The following PLEKHD1 variants were observed in gnomAD, a reference collection of about 807,000 sequenced individuals.
PLEKHD1 encodes the protein pleckstrin homology and coiled-coil domain containing D1.
PLEKHD1 carries 51 observed loss-of-function variants against 69.2 expected under a neutral mutation model. That is an observed-to-expected ratio of 0.74 (90% CI 0.59 to 0.93). The LOEUF (loss-of-function observed/expected upper bound fraction) is 0.93. Among genes scored for constraint, PLEKHD1 ranks in the 40% least tolerant of loss-of-function variants. PLEKHD1 has a pLI of 0.00. For missense variants in PLEKHD1, 584 were observed against 641.0 expected (o/e 0.91, Z 0.96); for synonymous variants, 236 against 244.7 (o/e 0.96, Z 0.33).
chr14:69,479,900 G>A (rs1041146428), upstream of PLEKHD1, among the ~76,000 whole-genome samples: 4 of 152,160 alleles, frequency 2.6e-5, no homozygotes, highest in Admixed American at 1.3e-4. Flanking sequence ...GGAAGTTGAG[G>A]ACCTGATAGG....
chr14:69,486,417 A>G (rs1882656883), intron 1 of PLEKHD1, among the ~76,000 whole-genome samples: 1 of 152,128 alleles, frequency 6.6e-6, no homozygotes, highest in African/African-American at 2.4e-5. Context: ...GTTCCTCCAA[A>G]GTTCAGCTTA....
In PLEKHD1 at chr14:69,501,116, A is replaced by AG. The variant is rs1411583960; in HGVS notation, c.410+173dup. 3 of 676,850 alleles carry AG rather than the reference A, an allele frequency of 4.4e-6. No homozygotes were observed. The East Asian group carries it at 8.2e-5, about 18-fold the overall frequency. The allele number at this position is 676,850 out of a possible 1,614,324, so 41.9% of individuals were successfully genotyped here. On this transcript the variant is annotated intron_variant, in intron 4 of 12. Transcript: ENST00000322564. ...CAGGCCAGGTTTTAGAGCATCTGTG[A>AG]GGGGTCCCCTGAGTGAGCTTGAAAA...
intron 6 of PLEKHD1, among the ~76,000 whole-genome samples, chr14:69,505,489 C>T (rs1378964487): frequency 6.6e-6 from 1 of 152,162 alleles, no homozygotes; most frequent in Non-Finnish European, 1.5e-5. Flanking sequence ...GCTGTGGTCT[C>T]TTTGAGACAA....
chr14:69,491,522 C>G lies in PLEKHD1; in HGVS notation c.149+6408C>G, dbSNP rs369668359. ...TTCAAATTTCTTTCACTCTGTTAAG[C>G]AAAGCCCTTTCTAGCTCCTACTCCT... is the stretch of plus-strand genomic sequence containing the variant. On this transcript the variant is annotated intron_variant, in intron 1 of 12. Transcript: ENST00000322564. Among the ~76,000 whole-genome samples, 400 of 152,306 alleles carry G rather than the reference C, an allele frequency of 2.6e-3. 4 individuals carry two copies. The highest frequency in any genetic ancestry group is 7.3e-3 in the African/African-American group (303 of 41,562).
the PLEKHD1 span, among the ~76,000 whole-genome samples, chr14:69,469,179 C>CAGAG: frequency 3.3e-5 from 5 of 149,518 alleles, no homozygotes; most frequent in East Asian, 3.9e-4. Context: ...CACATGTACA[C>CAGAG]AGAGAGAGAG....
At chr14:69,515,656 A>T (rs918397512) in intron 6 of PLEKHD1, among the ~76,000 whole-genome samples, 1 of 152,202 alleles carries the variant, frequency 6.6e-6, no homozygotes, top group African/African-American at 2.4e-5. Context: ...GTGAAGGTGG[A>T]GCAGACATGT....
chr14:69,471,002 A>G, the PLEKHD1 span, among the ~76,000 whole-genome samples: 1 of 148,440 alleles, frequency 6.7e-6, no homozygotes, highest in Non-Finnish European at 1.5e-5. Flanking sequence ...CGTTTTAGCC[A>G]GGATGGTCTC....
chr14:69,495,722 T>C (rs1315427007), intron 1 of PLEKHD1, among the ~76,000 whole-genome samples: 1 of 152,236 alleles, frequency 6.6e-6, no homozygotes, highest in Non-Finnish European at 1.5e-5. Context: ...TCAGGGCCTT[T>C]GCACCTGCAG....
chr14:69,517,814 A>C (rs1276821954), intron 6 of PLEKHD1, among the ~76,000 whole-genome samples: 1 of 151,988 alleles, frequency 6.6e-6, no homozygotes, highest in Non-Finnish European at 1.5e-5. Flanking sequence ...TCACCTAAAG[A>C]ATCACCTGAT....
intron 7 of PLEKHD1, among the ~76,000 whole-genome samples, chr14:69,523,195 G>T (rs61982439): frequency 0.11 from 16,788 of 152,206 alleles, 1,140 homozygotes; most frequent in Non-Finnish European, 0.14. Context: ...GCCTCCCAAA[G>T]TGTTGGGATT....
In PLEKHD1 at chr14:69,505,807, C is replaced by T. The variant is rs535836916; in HGVS notation, c.555+2928C>T. 1.4e-4 allele frequency among the ~76,000 whole-genome samples: 21 copies of T among 152,336 alleles called. No homozygotes were observed. In the South Asian group the frequency reaches 3.5e-3, roughly 26 times the overall value. ...TGGGACTCTGGAGGAATGAGCAGAG[C>T]GTGCAGGGGGAACCCTCCTGACTCA... On this transcript the variant is annotated intron_variant, in intron 6 of 12. Transcript: ENST00000322564.
At chr14:69,476,898 G>A in the PLEKHD1 span, among the ~76,000 whole-genome samples, 1 of 152,232 alleles carries the variant, frequency 6.6e-6, no homozygotes, top group African/African-American at 2.4e-5. Flanking sequence ...GTTCCATGCG[G>A]CTGGGGAAGC....
chr14:69,480,837 G>A (rs1175550600), upstream of PLEKHD1, among the ~76,000 whole-genome samples: 1 of 152,162 alleles, frequency 6.6e-6, no homozygotes, highest in Non-Finnish European at 1.5e-5. Flanking sequence ...ATTTTCAGCA[G>A]AGATGGAGTT....
the PLEKHD1 span, among the ~76,000 whole-genome samples, chr14:69,469,432 G>T: frequency 2.6e-5 from 4 of 151,444 alleles, no homozygotes; most frequent in Admixed American, 1.3e-4. Flanking sequence ...AAGAGACAGG[G>T]TCTCTCTCGC....
rs147846373 is a variant in PLEKHD1 at position 69,490,290 on chromosome 14, T to C, written c.149+5176T>C. On this transcript the variant is annotated intron_variant, in intron 1 of 12. Transcript: ENST00000322564. Reference sequence around the variant, plus strand: ...TTCATCAGGCATTAGATTCTCATAATGACTGTGCAACCTAGATCCCTTGCC... The same window carrying C: ...TTCATCAGGCATTAGATTCTCATAACGACTGTGCAACCTAGATCCCTTGCC... 9.0e-3 allele frequency among the ~76,000 whole-genome samples: 1,364 copies of C among 152,344 alleles called. 21 individuals carry two copies. The highest frequency in any genetic ancestry group is 0.042 in the Admixed American group (641 of 15,312).
the PLEKHD1 span, among the ~76,000 whole-genome samples, chr14:69,473,863 A>G: frequency 6.6e-6 from 1 of 152,180 alleles, no homozygotes; most frequent in Non-Finnish European, 1.5e-5. Flanking sequence ...ATCTTCAGAT[A>G]CTTCAACTAC....
At chr14:69,489,854 A>G (rs1882736874) in intron 1 of PLEKHD1, among the ~76,000 whole-genome samples, 1 of 139,096 alleles carries the variant, frequency 7.2e-6, no homozygotes, top group South Asian at 2.2e-4. Flanking sequence ...TGTTATATAT[A>G]TTTTTTGTTT....
chr14:69,474,626 G>A, the PLEKHD1 span, among the ~76,000 whole-genome samples: 1 of 152,124 alleles, frequency 6.6e-6, no homozygotes, highest in Non-Finnish European at 1.5e-5. Context: ...TAAGCTGTTT[G>A]GGAGTTCTGG....
chr14:69,496,652 C>T (rs1277240971), intron 1 of PLEKHD1, among the ~76,000 whole-genome samples: 1 of 151,660 alleles, frequency 6.6e-6, no homozygotes, highest in African/African-American at 2.4e-5. Context: ...GTGATCCTCT[C>T]ACTCAGCCTC....
Sources: gnomAD v4.1 joint callset for allele counts (sites outside exome capture counted in the v4.1 genomes callset) on GRCh38, gnomAD v4.1.1 for gene constraint, MANE v1.5 for transcripts, NCBI Gene and HGNC (gene_info 2026-07-23, HGNC 2026-07-21) for gene names.